The following MPPED1 variants were observed in gnomAD, a reference collection of about 807,000 sequenced individuals.
MPPED1 encodes metallophosphoesterase domain containing 1, also known as metallophosphoesterase domain-containing protein 1.
A neutral mutation model predicts 36.2 loss-of-function variants in MPPED1; 16 were observed. The observed-to-expected ratio is 0.44, with a 90% CI of 0.30 to 0.67. The LOEUF is 0.67. Among genes scored for constraint, MPPED1 ranks in the 30% least tolerant of loss-of-function variants. The probability of loss-of-function intolerance (pLI) is 0.10; values close to 1 mark genes in which losing one functional copy is unlikely to be tolerated. For synonymous variants in MPPED1, 199 were observed against 191.3 expected (o/e 1.04, Z -0.33); for missense variants, 307 against 453.4 (o/e 0.68, Z 2.93).
chr22:43,503,972 G>C (rs1268891956), intron 6 of MPPED1, among the ~76,000 whole-genome samples: 1 of 152,204 alleles, frequency 6.6e-6, no homozygotes, highest in Admixed American at 6.5e-5. Flanking sequence ...GGATGAGGGG[G>C]ATTCTACCAA....
intron 4 of MPPED1, 79 bp from the exon 5 acceptor site, chr22:43,498,156 C>A: frequency 1.7e-6 from 2 of 1,162,800 alleles, no homozygotes; most frequent in South Asian, 1.4e-5. Flanking sequence ...GCCCCCTGGC[C>A]CGTGGGGAGC....
intron 1 of MPPED1, among the ~76,000 whole-genome samples, chr22:43,419,424 G>T (rs1200671915): frequency 1.3e-5 from 2 of 152,140 alleles, no homozygotes; most frequent in Non-Finnish European, 2.9e-5. Flanking sequence ...GGGTGGGGTT[G>T]GGTGCAGGGC....
intron 2 of MPPED1, among the ~76,000 whole-genome samples, chr22:43,429,756 C>T (rs115172489): frequency 6.6e-6 from 1 of 152,284 alleles, no homozygotes; most frequent in African/African-American, 2.4e-5. Context: ...GAGAACGGGA[C>T]AGGCGGCAAG....
chr22:43,470,021 C>T (rs188713566), intron 3 of MPPED1, among the ~76,000 whole-genome samples: 1 of 152,054 alleles, frequency 6.6e-6, no homozygotes, highest in Non-Finnish European at 1.5e-5. Context: ...TCCATCCATC[C>T]ATTAATCCAT....
At chr22:43,495,542 G>T (rs534789969) in intron 4 of MPPED1, among the ~76,000 whole-genome samples, 4 of 127,554 alleles carry the variant, frequency 3.1e-5, no homozygotes, top group African/African-American at 1.1e-4. Context: ...GGTGGAGATG[G>T]TGGTGGTGGA....
At chr22:43,438,821 C>T (rs536593258) in intron 3 of MPPED1, among the ~76,000 whole-genome samples, 96 of 152,264 alleles carry the variant, frequency 6.3e-4, no homozygotes, top group African/African-American at 2.3e-3. Flanking sequence ...GCTCAAGGGC[C>T]TCCATGAGCC....
At position 43,498,333 on chromosome 22, in the gene MPPED1, C is replaced by G. The variant is rs1293351145; in HGVS notation, c.731C>G (p.Thr244Ser). The part of the protein sequence containing the change: ...LIPEGVDILI[T>S]HGPPLGFLDW... ...CCCGAAGGCGTAGACATCCTGATAA[C>G]CCATGGACCACCACTGGGTAAGGCT... Residue 244 changes from threonine to serine, a missense_variant, in exon 5 of 7, where the codon ACC becomes AGC. By Grantham distance (58) the Thr-to-Ser change is moderately conservative (BLOSUM62 1). Around this residue, in one of 3 missense-constraint regions of MPPED1, gnomAD observed 132 missense variants for 212.3 expected, o/e 0.62. Coordinates refer to ENST00000443721, the MANE Select transcript of MPPED1 (RefSeq NM_001044370.2). 12 of 1,535,052 alleles carry G rather than the reference C, an allele frequency of 7.8e-6. No individual in the cohort carries two copies. Among genetic ancestry groups the G allele is most frequent in the Non-Finnish European group, 1.0e-5 (12 of 1,146,316 alleles).
Position 43,460,244 on chromosome 22 carries a change from AAAACAAAAAC to A in MPPED1, c.407-14487_407-14478del, listed in dbSNP as rs1930903192. ...AAAAACAAAAACAAAAACAAAAACA[AAAACAAAAAC>A]AAACCCAAACCCCCCCCCCCAAACC... On this transcript the variant is annotated intron_variant, in intron 3 of 6. Transcript: ENST00000443721. 2.3e-4 allele frequency among the ~76,000 whole-genome samples: 15 copies of A among 64,650 alleles called. 1 individual carries two copies. Among genetic ancestry groups the A allele is most frequent in the Middle Eastern group, 0.013 (1 of 80 alleles). The allele number at this position is 64,650 out of a possible 152,430, so 42.4% of individuals were successfully genotyped here. A position where few individuals can be genotyped will look rare whatever the true frequency, so the allele number is the denominator to read the frequency against.
rs1341866569 is a variant in MPPED1 at position 43,418,157 on chromosome 22, C to G, written c.-79+5999C>G. On this transcript the variant is annotated intron_variant, in intron 1 of 6. Coordinates refer to ENST00000443721, the MANE Select transcript of MPPED1 (RefSeq NM_001044370.2). Reference sequence around the variant, plus strand: ...GGCTGCCTTACCGGCCTGGCACTGGCTTTGATCAGAGTGACCTTTTCCTTC... The same window carrying G: ...GGCTGCCTTACCGGCCTGGCACTGGGTTTGATCAGAGTGACCTTTTCCTTC... The G allele has an allele frequency of 6.6e-6, 3 of 456,268 alleles. No homozygotes were observed. In the East Asian group the frequency reaches 2.1e-4, roughly 32 times the overall value. The allele number at this position is 456,268 out of a possible 1,614,324, so 28.3% of individuals were successfully genotyped here. A position where few individuals can be genotyped will look rare whatever the true frequency, so the allele number is the denominator to read the frequency against.
intron 2 of MPPED1, among the ~76,000 whole-genome samples, chr22:43,428,465 C>T (rs1004817009): frequency 6.6e-6 from 1 of 152,186 alleles, no homozygotes; most frequent in Non-Finnish European, 1.5e-5. Flanking sequence ...ACCCCGAGCT[C>T]GGAAGCATGG....
chr22:43,482,141 G>A (rs1025925681), intron 4 of MPPED1, among the ~76,000 whole-genome samples: 2 of 152,050 alleles, frequency 1.3e-5, no homozygotes, highest in Non-Finnish European at 2.9e-5. Context: ...AAAAAATCCC[G>A]TATACATACC....
At chr22:43,476,525 A>G (rs974601969) in intron 4 of MPPED1, among the ~76,000 whole-genome samples, 1 of 152,170 alleles carries the variant, frequency 6.6e-6, no homozygotes, top group Non-Finnish European at 1.5e-5. Flanking sequence ...AGCACAGAGC[A>G]TCTGGGAAAC....
chr22:43,449,422 A>ACCCCCCCCCCCCCCCCCCCCCCCCCAC (rs135045), intron 3 of MPPED1, among the ~76,000 whole-genome samples: 1 of 127,330 alleles, frequency 7.9e-6, no homozygotes, highest in Non-Finnish European at 1.6e-5. Flanking sequence ...GACAGTGCCA[A>ACCCCCCCCCCCCCCCCCCCCCCCCCAC]CCCCCCCCGC....
chr22:43,499,735 G>GGTGGTGGA (rs1932580868), intron 5 of MPPED1, among the ~76,000 whole-genome samples: 1 of 15,392 alleles, frequency 6.5e-5, no homozygotes, highest in Non-Finnish European at 1.6e-4. Flanking sequence ...GTGGTGATGG[G>GGTGGTGGA]GGTGGTGGTG....
chr22:43,490,643 A>G (rs1416447217), intron 4 of MPPED1, among the ~76,000 whole-genome samples: 1 of 152,106 alleles, frequency 6.6e-6, no homozygotes, highest in Non-Finnish European at 1.5e-5. Context: ...CTCCATACTG[A>G]TGAGGCTTCC....
At chr22:43,440,212 G>C (rs1199324147) in intron 3 of MPPED1, among the ~76,000 whole-genome samples, 2 of 152,230 alleles carry the variant, frequency 1.3e-5, no homozygotes, top group Non-Finnish European at 2.9e-5. Flanking sequence ...ACCAGTAAAT[G>C]GGAGCTTCAA....
chr22:43,488,651 T>G (rs1415376026), intron 4 of MPPED1, among the ~76,000 whole-genome samples: 1 of 152,166 alleles, frequency 6.6e-6, no homozygotes, highest in African/African-American at 2.4e-5. Context: ...TCCCATGGGT[T>G]TGTTCACATT....
rs566915599 is a variant in MPPED1, at chr22:43,419,867, G to GT, written c.-78-5039dup. On this transcript the variant is annotated intron_variant, in intron 1 of 6. Coordinates refer to ENST00000443721, the MANE Select transcript of MPPED1 (RefSeq NM_001044370.2). Reference sequence around the variant, plus strand: ...CCTTGGTGTCTTGGCTGACACCCAGGTTCTCCTTGGAGCACCCTGGCCTCA... The same window carrying GT: ...CCTTGGTGTCTTGGCTGACACCCAGGTTTCTCCTTGGAGCACCCTGGCCTCA... Among the ~76,000 whole-genome samples the GT allele has an allele frequency of 9.5e-4, 145 of 152,232 alleles. 2 individuals are homozygous for GT. The South Asian group carries it at 0.012, about 13-fold the overall frequency.
intron 2 of MPPED1, among the ~76,000 whole-genome samples, chr22:43,426,611 G>C (rs1218382450): frequency 6.6e-5 from 10 of 152,216 alleles, no homozygotes; most frequent in Non-Finnish European, 1.0e-4. Flanking sequence ...GCCTGGTGGG[G>C]TGTGTGTGAG....
Sources: allele counts gnomAD v4.1 joint callset (sites outside exome capture counted in the v4.1 genomes callset), GRCh38; gene constraint gnomAD v4.1.1; regional missense constraint gnomAD v4.1.1; transcripts MANE v1.5; gene names NCBI Gene and HGNC (gene_info 2026-07-23, HGNC 2026-07-21).